The following APH1B variants were observed in gnomAD, a reference collection of about 807,000 sequenced individuals.
The protein encoded by APH1B is gamma-secretase subunit APH-1B.
In APH1B, 27 loss-of-function variants were observed where a neutral mutation model predicts 28.2. That is an observed-to-expected ratio of 0.96 (90% CI 0.70 to 1.32). APH1B has a LOEUF of 1.32. APH1B is among the 40% of genes most tolerant of loss of function. APH1B has a pLI of 0.00. For synonymous variants in APH1B, 141 were observed against 124.6 expected (o/e 1.13, Z -0.88); for missense variants, 305 against 313.6 (o/e 0.97, Z 0.21).
intron 4 of APH1B, among the ~76,000 whole-genome samples, chr15:63,290,703 A>C (rs1038637014): frequency 6.6e-6 from 1 of 152,224 alleles, no homozygotes; most frequent in African/African-American, 2.4e-5. Flanking sequence ...GTAATGGTAT[A>C]GTTATTTGTT....
rs1369760304 is a variant in APH1B at position 63,306,794 on chromosome 15, T to C, written c.*1013T>C. 1.3e-5 allele frequency: 2 copies of C among 152,370 alleles called. No individual in the cohort carries two copies. The highest frequency in any genetic ancestry group is 3.4e-3 in the Middle Eastern group (1 of 294). 9.4% of individuals were successfully genotyped at this position (152,370 alleles called of 1,614,324 possible). A position where few individuals can be genotyped will look rare whatever the true frequency, so the allele number is the denominator to read the frequency against. On this transcript the variant is annotated 3_prime_UTR_variant, in exon 6 of 6. Coordinates refer to ENST00000261879, the MANE Select transcript of APH1B (RefSeq NM_031301.4). ...TGACACTTTTCATTTGCTCCTGTGA[T>C]ACTAACAACACTTTCACCCAAATGG...
rs927833769 is a variant in APH1B, at chr15:63,306,298, G to C, written c.*517G>C. On this transcript the variant is annotated 3_prime_UTR_variant, in exon 6 of 6. Coordinates refer to ENST00000261879, the MANE Select transcript of APH1B (RefSeq NM_031301.4). The stretch of plus-strand genomic sequence containing the variant: ...TATCACCCCTGCTCACTGTTTGCGT[G>C]TACTTCACCATCTTAGGAGAACACG... The C allele has an allele frequency of 6.5e-6, 1 of 153,134 alleles. No individual in the cohort carries two copies. The allele number at this position is 153,134 out of a possible 1,614,324, so 9.5% of individuals were successfully genotyped here. A position where few individuals can be genotyped will look rare whatever the true frequency, so the allele number is the denominator to read the frequency against.
intron 4 of APH1B, among the ~76,000 whole-genome samples, chr15:63,287,828 T>A (rs370301096): frequency 1.1e-3 from 161 of 152,356 alleles, no homozygotes; most frequent in African/African-American, 3.7e-3. Flanking sequence ...TTAAAGGCCA[T>A]GTGCTCTTTT....
chr15:63,297,933 A>G (rs2038585060), intron 4 of APH1B, among the ~76,000 whole-genome samples: 2 of 152,228 alleles, frequency 1.3e-5, no homozygotes, highest in South Asian at 4.1e-4. Context: ...GAGTATGAAC[A>G]TAGCACGGTA....
At chr15:63,288,363 T>G (rs1412879335) in intron 4 of APH1B, among the ~76,000 whole-genome samples, 1 of 143,092 alleles carries the variant, frequency 7.0e-6, no homozygotes, top group Non-Finnish European at 1.5e-5. Context: ...TATGACCAAT[T>G]TTTAAAAATT....
intron 2 of APH1B, among the ~76,000 whole-genome samples, chr15:63,284,564 C>T (rs1364515954): frequency 4.1e-5 from 3 of 73,442 alleles, no homozygotes; most frequent in Non-Finnish European, 5.2e-5. Context: ...TTTGTTTACA[C>T]CAACATCACC....
chr15:63,279,425 C>T, intron 2 of APH1B, 94 bp downstream of exon 2: 7 of 1,206,684 alleles, frequency 5.8e-6, no homozygotes, highest in Non-Finnish European at 8.1e-6. Flanking sequence ...TGTATCTATG[C>T]CCTCCTACAT....
chr15:63,307,676 A>C lies in APH1B; in HGVS notation c.*1895A>C, dbSNP rs765048455. On this transcript the variant is annotated 3_prime_UTR_variant, in exon 6 of 6. Transcript: ENST00000261879. ...AAAAATACATAGTTGGTTATTATGGACTTAAAACTGTGTTAAATGGATATT... is the reference window on the plus strand; with the variant it reads ...AAAAATACATAGTTGGTTATTATGGCCTTAAAACTGTGTTAAATGGATATT... 1 of 152,224 alleles carries C rather than the reference A, an allele frequency of 6.6e-6. No homozygotes were observed. The highest frequency in any genetic ancestry group is 1.5e-5 in the Non-Finnish European group (1 of 68,040). 9.4% of individuals were successfully genotyped at this position (152,224 alleles called of 1,614,324 possible).
chr15:63,279,821 A>G (rs1299833917), intron 2 of APH1B, among the ~76,000 whole-genome samples: 11 of 143,304 alleles, frequency 7.7e-5, no homozygotes, highest in Admixed American at 7.1e-4. Flanking sequence ...TTTGAGACAG[A>G]GTTTTCGCTC....
rs748861468 is a variant in APH1B, at chr15:63,302,488, A to T, written c.606+16A>T. 1 of 1,611,330 alleles carries T rather than the reference A, an allele frequency of 6.2e-7. No homozygotes were observed. Among genetic ancestry groups the T allele is most frequent in the Non-Finnish European group, 8.5e-7 (1 of 1,178,800 alleles). The stretch of plus-strand genomic sequence containing the variant: ...GTCAGCCCAGGTGAGTGTTGCCGCC[A>T]TGCTCAGACTGTATTCTGGAACTCA... On this transcript the variant is annotated intron_variant, in intron 5 of 5. Coordinates refer to ENST00000261879, the MANE Select transcript of APH1B (RefSeq NM_031301.4).
chr15:63,280,238 T>C (rs1247199177), intron 2 of APH1B, among the ~76,000 whole-genome samples: 1 of 152,208 alleles, frequency 6.6e-6, no homozygotes, highest in Non-Finnish European at 1.5e-5. Context: ...TTGGGTTCCC[T>C]TGTTGGGCCA....
At chr15:63,300,871 A>C (rs755133508) in intron 4 of APH1B, among the ~76,000 whole-genome samples, 3 of 152,260 alleles carry the variant, frequency 2.0e-5, no homozygotes, top group South Asian at 2.1e-4. Flanking sequence ...GAGATAATTT[A>C]TATCGTAGAC....
chr15:63,297,137 A>T (rs987524882), intron 4 of APH1B, among the ~76,000 whole-genome samples: 1 of 152,264 alleles, frequency 6.6e-6, no homozygotes, highest in African/African-American at 2.4e-5. Flanking sequence ...GTATTACAAC[A>T]TATAAAAATT....
rs1299118358 is a variant in APH1B, at chr15:63,306,766, C to T, written c.*985C>T. On this transcript the variant is annotated 3_prime_UTR_variant, in exon 6 of 6. Transcript: ENST00000261879. ...ACAAGGAAATGAGCCAAAAGGGTGT[C>T]ATTGACACTTTTCATTTGCTCCTGT... 1 of 152,218 alleles carries T rather than the reference C, an allele frequency of 6.6e-6. No homozygotes were observed. The highest frequency in any genetic ancestry group is 1.9e-4 in the East Asian group (1 of 5,200). 9.4% of individuals were successfully genotyped at this position (152,218 alleles called of 1,614,324 possible).
chr15:63,294,604 T>C (rs980169347), intron 4 of APH1B, among the ~76,000 whole-genome samples: 14 of 152,268 alleles, frequency 9.2e-5, no homozygotes, highest in Admixed American at 3.9e-4. Flanking sequence ...TCACTTACTG[T>C]GCAGTGTTCC....
chr15:63,289,428 C>T (rs2038480442), intron 4 of APH1B, among the ~76,000 whole-genome samples: 1 of 152,092 alleles, frequency 6.6e-6, no homozygotes, highest in African/African-American at 2.4e-5. Context: ...TAGTATACTC[C>T]ATTACAAATG....
rs201811753 is a variant in APH1B at position 63,287,476 on chromosome 15, C to A, written c.408C>A (p.Thr136=). 1.2e-6 allele frequency: 2 copies of A among 1,613,696 alleles called. No homozygotes were observed. The highest frequency in any genetic ancestry group is 1.7e-5 in the Admixed American group (1 of 59,982). The change falls in exon 4 of 6, where the codon ACC becomes ACA. Residue 136 remains threonine, a synonymous_variant. Transcript: ENST00000261879. ...IMSGVFSFVN[T]LSDSLGPGTV... ...GTGGAGTATTTTCCTTTGTGAATAC[C>A]CTATCTGACTCCTTGGGGCCAGGCA... is the stretch of plus-strand genomic sequence containing the variant.
chr15:63,301,818 G>T (rs773702119), intron 4 of APH1B, among the ~76,000 whole-genome samples: 1 of 152,068 alleles, frequency 6.6e-6, no homozygotes, highest in Non-Finnish European at 1.5e-5. Flanking sequence ...TCACCATGTT[G>T]GCCAGCTGGT....
At chr15:63,294,664 CTT>C (rs998417665) in intron 4 of APH1B, among the ~76,000 whole-genome samples, 1 of 152,202 alleles carries the variant, frequency 6.6e-6, no homozygotes, top group Non-Finnish European at 1.5e-5. Flanking sequence ...TTGGAAATCT[CTT>C]GTTTCTTTGG....
Sources: allele counts gnomAD v4.1 joint callset (sites outside exome capture counted in the v4.1 genomes callset), GRCh38; gene constraint gnomAD v4.1.1; transcripts MANE v1.5; gene names NCBI Gene and HGNC (gene_info 2026-07-23, HGNC 2026-07-21).